The following CNOT2 variants were observed in gnomAD, a reference collection of about 807,000 sequenced individuals.
CNOT2 encodes the protein CCR4-NOT transcription complex subunit 2, also known as CC chemokine receptor 4-negative regulator of transcription 2.
Under a neutral mutation model 72.1 loss-of-function variants are expected in CNOT2, and 7 were observed. The observed-to-expected ratio is 0.10, with a 90% CI of 0.06 to 0.18. The LOEUF (loss-of-function observed/expected upper bound fraction) is 0.18. CNOT2 is among the 10% of genes least tolerant of loss of function. CNOT2 has a pLI of 1.00. For synonymous variants in CNOT2, 196 were observed against 225.6 expected (o/e 0.87, Z 1.17); for missense variants, 345 against 660.3 (o/e 0.52, Z 5.23).
intron 1 of CNOT2, among the ~76,000 whole-genome samples, chr12:70,250,113 A>G (rs1958067478): frequency 6.6e-6 from 1 of 152,164 alleles, no homozygotes; most frequent in Non-Finnish European, 1.5e-5. Flanking sequence ...GTGTGTGTAT[A>G]TGACTCATCC....
chr12:70,298,851 A>G (rs1189175113), intron 2 of CNOT2, among the ~76,000 whole-genome samples: 2 of 152,110 alleles, frequency 1.3e-5, no homozygotes, highest in African/African-American at 2.4e-5. Context: ...TTGATTTGGG[A>G]GTGCTGTTGA....
At chr12:70,271,977 G>T (rs1003034894) in intron 1 of CNOT2, among the ~76,000 whole-genome samples, 1 of 152,150 alleles carries the variant, frequency 6.6e-6, no homozygotes, top group Admixed American at 6.6e-5. Context: ...TCCTACGTCA[G>T]ACTATCAAGG....
At chr12:70,327,898 A>G (rs74868772) in intron 4 of CNOT2, among the ~76,000 whole-genome samples, 155 of 152,072 alleles carry the variant, frequency 1.0e-3, no homozygotes, top group African/African-American at 3.6e-3. Flanking sequence ...GGGAAAAGAC[A>G]GATTTCTTCT....
chr12:70,334,780 A>G (rs1880440207), intron 7 of CNOT2: 2 of 152,120 alleles, frequency 1.3e-5, no homozygotes, highest in Non-Finnish European at 2.9e-5. Flanking sequence ...TTGAGCGCCT[A>G]CTGTGTAATA....
At chr12:70,327,766 A>T (rs1164539466) in intron 4 of CNOT2, 1 of 151,904 alleles carries the variant, frequency 6.6e-6, no homozygotes, top group Non-Finnish European at 1.5e-5. Flanking sequence ...CAGCTAGCAC[A>T]ATGCGTGTTA....
In CNOT2 at chr12:70,319,378, A is replaced by T. The variant is rs371330412; in HGVS notation, c.238+14A>T. 12 of 1,607,346 alleles carry T rather than the reference A, an allele frequency of 7.5e-6. No homozygotes were observed. The highest frequency in any genetic ancestry group is 5.4e-5 in the African/African-American group (4 of 74,720). Reference sequence around the variant, plus strand: ...ACGGGCAACAAAGTAAGAATTTTGTATTTATTCTGGGATACTTTATTTAAA... The same window carrying T: ...ACGGGCAACAAAGTAAGAATTTTGTTTTTATTCTGGGATACTTTATTTAAA... On this transcript the variant is annotated intron_variant, in intron 4 of 15. Transcript: ENST00000229195.
intron 1 of CNOT2, among the ~76,000 whole-genome samples, chr12:70,258,702 T>G (rs56770919): frequency 0.078 from 11,829 of 152,218 alleles, 576 homozygotes; most frequent in Admixed American, 0.15. Context: ...AGGGAAAGTA[T>G]GGAGTGTGTA....
rs201766451 is a variant in CNOT2, at chr12:70,308,582, T to A, written c.49-2313T>A. Among the ~76,000 whole-genome samples, 601 of 117,978 alleles carry A rather than the reference T, an allele frequency of 5.1e-3. 5 individuals are homozygous for A. Among genetic ancestry groups the A allele is most frequent in the Middle Eastern group, 0.039 (8 of 206 alleles). The allele number at this position is 117,978 out of a possible 152,430, so 77.4% of individuals were successfully genotyped here. On this transcript the variant is annotated intron_variant, in intron 2 of 15. Coordinates refer to ENST00000229195, the MANE Select transcript of CNOT2 (RefSeq NM_014515.7). Reference sequence around the variant, plus strand: ...CTCTCTCTCTCTCTCTCTCTCTCTCTCTCACACACACACACACACACACAC... The same window carrying A: ...CTCTCTCTCTCTCTCTCTCTCTCTCACTCACACACACACACACACACACAC...
chr12:70,329,369 A>T, intron 4 of CNOT2, 54 bp from the exon 5 acceptor site: 1 of 1,476,732 alleles, frequency 6.8e-7, no homozygotes, highest in Non-Finnish European at 9.5e-7. Context: ...GAAGATGGAT[A>T]ACAATTTCAT....
In CNOT2 at chr12:70,354,057, A is replaced by G. The variant is rs971279992; in HGVS notation, c.*142A>G. On this transcript the variant is annotated 3_prime_UTR_variant, in exon 16 of 16. Coordinates refer to ENST00000229195, the MANE Select transcript of CNOT2 (RefSeq NM_014515.7). The stretch of plus-strand genomic sequence containing the variant: ...GAGGATCTGGCAATTGGCTTACGCA[A>G]AAGGTCACCATTTGAGGTCCTGCCT... The G allele has an allele frequency of 7.2e-7, 1 of 1,379,914 alleles. No homozygotes were observed. Among genetic ancestry groups the G allele is most frequent in the Non-Finnish European group, 9.5e-7 (1 of 1,057,342 alleles). 85.5% of individuals were successfully genotyped at this position (1,379,914 alleles called of 1,614,324 possible).
intron 2 of CNOT2, among the ~76,000 whole-genome samples, chr12:70,284,405 C>T (rs543303931): frequency 2.6e-5 from 4 of 151,958 alleles, no homozygotes; most frequent in South Asian, 2.1e-4. Context: ...CCACCACATC[C>T]GACTAATTTT....
chr12:70,254,933 A>T (rs984453581), intron 1 of CNOT2, among the ~76,000 whole-genome samples: 1 of 150,208 alleles, frequency 6.7e-6, no homozygotes, highest in African/African-American at 2.5e-5. Context: ...GTGAGTTGAC[A>T]TCATGCCAGT....
At chr12:70,262,432 C>G (rs1433848729) in intron 1 of CNOT2, among the ~76,000 whole-genome samples, 1 of 152,140 alleles carries the variant, frequency 6.6e-6, no homozygotes, top group Non-Finnish European at 1.5e-5. Context: ...CGCCACTACA[C>G]CCGGTCAATT....
intron 2 of CNOT2, among the ~76,000 whole-genome samples, chr12:70,303,367 T>G (rs1874489693): frequency 6.6e-6 from 1 of 152,224 alleles, no homozygotes; most frequent in African/African-American, 2.4e-5. Flanking sequence ...GTTGTTCCTT[T>G]CCGTGTTTAG....
At chr12:70,302,389 G>A (rs1398723176) in intron 2 of CNOT2, among the ~76,000 whole-genome samples, 15 of 151,486 alleles carry the variant, frequency 9.9e-5, no homozygotes, top group East Asian at 7.7e-4. Context: ...TGCTTTGAAT[G>A]TGTCCCAGAG....
At chr12:70,249,728 A>G (rs1389647948) in intron 1 of CNOT2, among the ~76,000 whole-genome samples, 1 of 152,106 alleles carries the variant, frequency 6.6e-6, no homozygotes, top group African/African-American at 2.4e-5. Context: ...ACAGCTGCTC[A>G]TATTTTTAAA....
intron 2 of CNOT2, among the ~76,000 whole-genome samples, chr12:70,296,711 T>C (rs772084437): frequency 2.0e-5 from 3 of 151,738 alleles, no homozygotes; most frequent in Admixed American, 6.6e-5. Context: ...TTTAAGAAGC[T>C]AGAATTTTTT....
Position 70,296,307 on chromosome 12 carries a change from G to C in CNOT2, c.49-14588G>C, listed in dbSNP as rs555068347. The stretch of plus-strand genomic sequence containing the variant: ...TCTCCAAAATAGTGATTGTGGAAGT[G>C]TTTGTATAGGTCCCTAGCTTTCTAC... On this transcript the variant is annotated intron_variant, in intron 2 of 15. Coordinates refer to ENST00000229195, the MANE Select transcript of CNOT2 (RefSeq NM_014515.7). 3.9e-5 allele frequency among the ~76,000 whole-genome samples: 6 copies of C among 152,222 alleles called. No individual in the cohort carries two copies. The East Asian group carries it at 9.7e-4, about 25-fold the overall frequency.
chr12:70,304,606 C>G (rs1423636440), intron 2 of CNOT2, among the ~76,000 whole-genome samples: 2 of 152,096 alleles, frequency 1.3e-5, no homozygotes, highest in South Asian at 2.1e-4. Context: ...GTCAGTCCGC[C>G]CCTACTGGGG....
Sources: gnomAD v4.1 joint callset for allele counts (sites outside exome capture counted in the v4.1 genomes callset) on GRCh38, gnomAD v4.1.1 for gene constraint, MANE v1.5 for transcripts, NCBI Gene and HGNC (gene_info 2026-07-23, HGNC 2026-07-21) for gene names.